TSNARE1: variants seen among roughly 807,000 people sequenced by gnomAD.
The protein encoded by TSNARE1 is t-SNARE domain containing 1.
A neutral mutation model predicts 62.0 loss-of-function variants in TSNARE1; 49 were observed. The ratio of observed to expected loss-of-function variants is 0.79; its 90% confidence interval spans 0.63 to 1.00. TSNARE1 has a LOEUF of 1.00. Ranked by LOEUF, TSNARE1 falls within the 50% of genes least tolerant of loss-of-function variation. The probability of loss-of-function intolerance (pLI) is 0.00; values close to 1 mark genes in which losing one functional copy is unlikely to be tolerated. For missense variants in TSNARE1, 755 were observed against 700.1 expected (o/e 1.08, Z -0.88); for synonymous variants, 328 against 294.4 (o/e 1.11, Z -1.17).
chr8:142,268,593 C>A (rs1351588923), intron 12 of TSNARE1, among the ~76,000 whole-genome samples: 1 of 152,162 alleles, frequency 6.6e-6, no homozygotes, highest in African/African-American at 2.4e-5. Context: ...TCCCTTCCGT[C>A]TTAGTAACAA....
intron 10 of TSNARE1, among the ~76,000 whole-genome samples, chr8:142,292,454 C>T (rs917538748): frequency 1.3e-5 from 2 of 152,098 alleles, no homozygotes; most frequent in African/African-American, 4.8e-5. Context: ...ACGAGGGAGA[C>T]GTGAGGGTCC....
intron 12 of TSNARE1, among the ~76,000 whole-genome samples, chr8:142,248,531 G>A (rs368671135): frequency 2.0e-4 from 31 of 152,312 alleles, no homozygotes; most frequent in African/African-American, 6.3e-4. Flanking sequence ...GCCCCCAGAC[G>A]GCAGGAAGTG....
In TSNARE1 at chr8:142,316,816, T is replaced by C. The variant is rs1001311913; in HGVS notation, c.985-1724A>G. Among the ~76,000 whole-genome samples the C allele has an allele frequency of 1.4e-4, 22 of 151,872 alleles. 1 individual carries two copies. The highest frequency in any genetic ancestry group is 4.8e-4 in the African/African-American group (20 of 41,442). On this transcript the variant is annotated intron_variant, in intron 7 of 13. Coordinates refer to ENST00000524325, the MANE Select transcript of TSNARE1 (RefSeq NM_145003.5). ...CACCACATTGTGGCCTGCCTAACTC[T>C]CCGCTCCTCACTGCTGACCACACCC...
At chr8:142,235,927 C>T (rs934346220) in intron 12 of TSNARE1, among the ~76,000 whole-genome samples, 16 of 151,796 alleles carry the variant, frequency 1.1e-4, no homozygotes, top group Non-Finnish European at 1.8e-4. Context: ...GAGGTGGGCA[C>T]GCAGGAGGGG....
rs1055594005 is a variant in TSNARE1, at chr8:142,300,151, C to G, written c.1290+335G>C. 1.4e-5 allele frequency: 3 copies of G among 218,148 alleles called. No individual in the cohort carries two copies. The Admixed American group carries it at 1.7e-4, about 12-fold the overall frequency. The allele number at this position is 218,148 out of a possible 1,614,324, so 13.5% of individuals were successfully genotyped here. ...AATCATCTTCATTAGAGCTAAACAG[C>G]CTCCTGGAAGTCTAACCACACAGCA... is the stretch of plus-strand genomic sequence containing the variant. On this transcript the variant is annotated intron_variant, in intron 10 of 13. Transcript: ENST00000524325.
chr8:142,249,327 G>T (rs1818039776), intron 12 of TSNARE1, among the ~76,000 whole-genome samples: 1 of 152,186 alleles, frequency 6.6e-6, no homozygotes, highest in Non-Finnish European at 1.5e-5. Flanking sequence ...TGGGCAGCCG[G>T]CAAGGAACAG....
Position 142,354,679 on chromosome 8 carries a change from C to T in TSNARE1, c.46G>A (p.Gly16Ser). 6.2e-7 allele frequency: 1 copy of T among 1,613,678 alleles called. No homozygotes were observed. The highest frequency in any genetic ancestry group is 1.3e-5 in the African/African-American group (1 of 74,994). Reference sequence around the variant, plus strand: ...TGTCTCGAAGGTCCCCCGAAAGGGCCACGGCTCCCCAGGCCACCTCCACGG... The same window carrying T: ...TGTCTCGAAGGTCCCCCGAAAGGGCTACGGCTCCCCAGGCCACCTCCACGG... ...IARGGGLGSR[G>S]PFGGPSRQGC... The change falls in exon 2 of 14, where the codon GGC (glycine) becomes AGC (serine). Residue 16 changes from glycine to serine, a missense_variant. Gly to Ser is a moderately conservative substitution (Grantham distance 56). Coordinates refer to ENST00000524325, the MANE Select transcript of TSNARE1 (RefSeq NM_145003.5).
intron 11 of TSNARE1, among the ~76,000 whole-genome samples, chr8:142,282,183 A>G (rs1821608373): frequency 6.6e-6 from 1 of 152,156 alleles, no homozygotes; most frequent in Non-Finnish European, 1.5e-5. Flanking sequence ...TGCCCTGGCC[A>G]GGCCTGCACG....
chr8:142,362,870 G>C (rs1835265640), intron 1 of TSNARE1, among the ~76,000 whole-genome samples: 1 of 152,146 alleles, frequency 6.6e-6, no homozygotes, highest in African/African-American at 2.4e-5. Context: ...CTGTAACATG[G>C]GACCAAGAAG....
intron 12 of TSNARE1, among the ~76,000 whole-genome samples, chr8:142,242,854 C>T (rs765106074): frequency 2.1e-5 from 3 of 144,338 alleles, no homozygotes; most frequent in Non-Finnish European, 4.5e-5. Flanking sequence ...CCCAGCTACT[C>T]AGGAGGCTGA....
chr8:142,217,526 T>C (rs1815940206), intron 13 of TSNARE1, among the ~76,000 whole-genome samples: 1 of 152,142 alleles, frequency 6.6e-6, no homozygotes, highest in Admixed American at 6.5e-5. Flanking sequence ...CAGGTGGTCA[T>C]GGGCAGGGGT....
At chr8:142,217,208 C>T (rs1316295923) in intron 13 of TSNARE1, among the ~76,000 whole-genome samples, 6 of 151,020 alleles carry the variant, frequency 4.0e-5, no homozygotes, top group Non-Finnish European at 8.8e-5. Flanking sequence ...AGGGCCACTG[C>T]ACTCCAACCT....
At chr8:142,276,046 T>TCAC in intron 11 of TSNARE1, 8 of 985,392 alleles carry the variant, frequency 8.1e-6, no homozygotes, top group Non-Finnish European at 9.6e-6. Flanking sequence ...GAACCCTTGG[T>TCAC]CACCAGCTCC....
chr8:142,223,359 C>A (rs1816590703), intron 13 of TSNARE1, among the ~76,000 whole-genome samples: 1 of 151,994 alleles, frequency 6.6e-6, no homozygotes, highest in Admixed American at 6.6e-5. Flanking sequence ...TTCACTCACT[C>A]ACTCATCCAC....
intron 2 of TSNARE1, among the ~76,000 whole-genome samples, chr8:142,350,824 T>TTGGAGGGAAATAAAGAGA (rs1246871180): frequency 7.2e-5 from 11 of 152,044 alleles, no homozygotes. Context: ...ACAAATAAAC[T>TTGGAGGGAAATAAAGAGA]TGGAGGGAAA....
intron 13 of TSNARE1, among the ~76,000 whole-genome samples, chr8:142,216,169 C>A (rs1173354150): frequency 5.9e-5 from 9 of 151,962 alleles, no homozygotes; most frequent in Non-Finnish European, 1.3e-4. Context: ...GGTCTCTTCA[C>A]CCCCAGGGCC....
chr8:142,362,193 A>G (rs1835217566), intron 1 of TSNARE1, among the ~76,000 whole-genome samples: 1 of 152,186 alleles, frequency 6.6e-6, no homozygotes, highest in Non-Finnish European at 1.5e-5. Flanking sequence ...AGTCCCAGGA[A>G]AAGTGAGCAC....
intron 9 of TSNARE1, among the ~76,000 whole-genome samples, chr8:142,313,415 T>TCC (rs1491411793): frequency 7.2e-6 from 1 of 139,582 alleles, no homozygotes; most frequent in African/African-American, 2.5e-5. Context: ...TTTATGTGTC[T>TCC]GTGTGTTTAT....
intron 9 of TSNARE1, among the ~76,000 whole-genome samples, chr8:142,312,997 T>C (rs1167731313): frequency 6.6e-6 from 1 of 152,242 alleles, no homozygotes; most frequent in Non-Finnish European, 1.5e-5. Flanking sequence ...TCTGCATGTC[T>C]GCATCTATCT....
Sources: allele counts gnomAD v4.1 joint callset (sites outside exome capture counted in the v4.1 genomes callset), GRCh38; gene constraint gnomAD v4.1.1; transcripts MANE v1.5; gene names NCBI Gene and HGNC (gene_info 2026-07-23, HGNC 2026-07-21).